Variants in LRMDA observed in about 807,000 individuals in gnomAD.
LRMDA encodes the protein leucine rich melanocyte differentiation associated, also known as leucine-rich melanocyte differentiation-associated protein.
Under a neutral mutation model 29.8 loss-of-function variants are expected in LRMDA, and 18 were observed. The observed-to-expected ratio is 0.60, with a 90% CI of 0.42 to 0.90. LRMDA has a LOEUF of 0.90. Among genes scored for constraint, LRMDA ranks in the 40% least tolerant of loss-of-function variants. LRMDA has a pLI of 0.00. For synonymous variants in LRMDA, 125 were observed against 109.4 expected (o/e 1.14, Z -0.89); for missense variants, 273 against 273.9 (o/e 1.00, Z 0.02).
At chr10:76,404,048 T>C (rs1230942431) in intron 6 of LRMDA, among the ~76,000 whole-genome samples, 1 of 151,924 alleles carries the variant, frequency 6.6e-6, no homozygotes, top group Non-Finnish European at 1.5e-5. Context: ...CTTCACCCAA[T>C]TGCCCATGAG....
At chr10:75,750,445 G>A (rs191735747) in intron 2 of LRMDA, among the ~76,000 whole-genome samples, 9 of 148,000 alleles carry the variant, frequency 6.1e-5, no homozygotes, top group African/African-American at 2.0e-4. Context: ...AGACGGGGTC[G>A]CGGCCGGGCA....
intron 3 of LRMDA, among the ~76,000 whole-genome samples, chr10:76,040,184 G>A (rs1186032445): frequency 6.6e-6 from 1 of 152,182 alleles, no homozygotes; most frequent in Non-Finnish European, 1.5e-5. Flanking sequence ...TACAAGGAGA[G>A]GAGCCAAGAT....
intron 3 of LRMDA, among the ~76,000 whole-genome samples, chr10:76,045,410 G>A (rs1311282017): frequency 7.6e-6 from 1 of 132,108 alleles, no homozygotes; most frequent in African/African-American, 3.0e-5. Context: ...TCTCTTGTTA[G>A]TTTCCCCTCT....
chr10:76,262,816 T>A (rs1177455806), intron 5 of LRMDA, among the ~76,000 whole-genome samples: 5 of 152,252 alleles, frequency 3.3e-5, no homozygotes, highest in Admixed American at 2.6e-4. Flanking sequence ...TAAGTCATGC[T>A]GGCCAGGGTG....
chr10:75,689,893 A>G (rs1003084253), intron 2 of LRMDA, among the ~76,000 whole-genome samples: 2 of 152,148 alleles, frequency 1.3e-5, no homozygotes, highest in South Asian at 2.1e-4. Flanking sequence ...CCCCACATGC[A>G]TGTGTGATGG....
intron 2 of LRMDA, among the ~76,000 whole-genome samples, chr10:75,595,889 C>G (rs868333687): frequency 3.3e-5 from 5 of 152,106 alleles, no homozygotes; most frequent in Middle Eastern, 3.4e-3. Flanking sequence ...AGATGATTCT[C>G]TTCATTTTTT....
chr10:75,451,922 T>G (rs1402303386), intron 2 of LRMDA, among the ~76,000 whole-genome samples: 10 of 152,028 alleles, frequency 6.6e-5, no homozygotes, highest in African/African-American at 2.4e-4. Flanking sequence ...ATGTGTGTGT[T>G]CTAAGTCTCC....
intron 6 of LRMDA, among the ~76,000 whole-genome samples, chr10:76,546,374 A>G (rs1369053611): frequency 6.6e-6 from 1 of 152,230 alleles, no homozygotes; most frequent in Non-Finnish European, 1.5e-5. Context: ...AGTTGTGGTC[A>G]CTATGATTAC....
intron 2 of LRMDA, among the ~76,000 whole-genome samples, chr10:75,616,735 T>C (rs1317033585): frequency 6.6e-6 from 1 of 152,244 alleles, no homozygotes; most frequent in African/African-American, 2.4e-5. Flanking sequence ...CAGTTGTATA[T>C]ATGTGAATCA....
intron 2 of LRMDA, among the ~76,000 whole-genome samples, chr10:75,468,868 A>T (rs1347100395): frequency 6.6e-6 from 1 of 151,984 alleles, no homozygotes; most frequent in East Asian, 1.9e-4. Context: ...GGAGGCATGG[A>T]TTGTATTAGA....
chr10:76,066,386 T>C (rs546983452), intron 5 of LRMDA, among the ~76,000 whole-genome samples: 1 of 152,314 alleles, frequency 6.6e-6, no homozygotes, highest in Non-Finnish European at 1.5e-5. Flanking sequence ...TCTAATTTTC[T>C]CCCTACAAAT....
intron 2 of LRMDA, among the ~76,000 whole-genome samples, chr10:75,645,506 G>C (rs764497060): frequency 6.6e-6 from 1 of 152,122 alleles, no homozygotes; most frequent in Admixed American, 6.5e-5. Flanking sequence ...TGTGAATGTC[G>C]GAGCTAGAAC....
intron 2 of LRMDA, among the ~76,000 whole-genome samples, chr10:75,578,228 A>AAAAAAAAAAAAAAAAAC (rs1203424120): frequency 7.0e-6 from 1 of 143,530 alleles, no homozygotes; most frequent in Admixed American, 7.1e-5. Context: ...AAAAAAAAAA[A>AAAAAAAAAAAAAAAAAC]AAAAAAAAAA....
At chr10:75,728,813 G>C (rs1001284500) in intron 2 of LRMDA, among the ~76,000 whole-genome samples, 3 of 151,910 alleles carry the variant, frequency 2.0e-5, no homozygotes, top group African/African-American at 4.8e-5. Context: ...GCTAATGGGG[G>C]TTGAGTGTAT....
intron 6 of LRMDA, among the ~76,000 whole-genome samples, chr10:76,504,303 T>C (rs562828648): frequency 2.6e-4 from 39 of 152,176 alleles, no homozygotes; most frequent in African/African-American, 9.1e-4. Context: ...ATATATATTC[T>C]GTTGCAGTTG....
intron 2 of LRMDA, among the ~76,000 whole-genome samples, chr10:75,755,714 C>T (rs1022839876): frequency 2.0e-5 from 3 of 152,224 alleles, no homozygotes; most frequent in African/African-American, 7.2e-5. Flanking sequence ...CCTAGGCTGA[C>T]GCAACCTTGG....
rs1048015402 is a variant in LRMDA, at chr10:75,547,269, C to T, written c.131+108775C>T. Reference sequence around the variant, plus strand: ...CTGAGTATCTCTGGACCAAAACATGCGAACCACTTGTAGGGTTATTTTAGG... The same window carrying T: ...CTGAGTATCTCTGGACCAAAACATGTGAACCACTTGTAGGGTTATTTTAGG... On this transcript the variant is annotated intron_variant, in intron 2 of 6. Coordinates refer to ENST00000611255, the MANE Select transcript of LRMDA (RefSeq NM_001305581.2). 2.6e-5 allele frequency among the ~76,000 whole-genome samples: 4 copies of T among 152,124 alleles called. 1 individual carries two copies. The highest frequency in any genetic ancestry group is 2.0e-4 in the Admixed American group (3 of 15,254).
intron 2 of LRMDA, among the ~76,000 whole-genome samples, chr10:75,913,788 G>A (rs1845884158): frequency 6.6e-6 from 1 of 152,216 alleles, no homozygotes; most frequent in Non-Finnish European, 1.5e-5. Flanking sequence ...CCCTGGAGAG[G>A]AGCAAGGGGA....
chr10:76,363,176 A>AGGGAG lies in LRMDA; in HGVS notation c.601+38693_601+38694insGAGGG, dbSNP rs1249338089. On this transcript the variant is annotated intron_variant, in intron 6 of 6. Transcript: ENST00000611255. ...AAGAAAGAAAGAAAGAAAGAAAGAAAGGAGGGAGGGAGGGAGGGAGGGAGG... is the reference window on the plus strand; with the variant it reads ...AAGAAAGAAAGAAAGAAAGAAAGAAAGGGAGGGAGGGAGGGAGGGAGGGAGGGAGG... Among the ~76,000 whole-genome samples the AGGGAG allele has an allele frequency of 2.8e-3, 61 of 21,792 alleles. 2 individuals are homozygous for AGGGAG. Among genetic ancestry groups the AGGGAG allele is most frequent in the Non-Finnish European group, 5.0e-3 (43 of 8,592 alleles). 14.3% of individuals were successfully genotyped at this position (21,792 alleles called of 152,430 possible). A position where few individuals can be genotyped will look rare whatever the true frequency, so the allele number is the denominator to read the frequency against.
Sources: gnomAD v4.1 joint callset for allele counts (sites outside exome capture counted in the v4.1 genomes callset) on GRCh38, gnomAD v4.1.1 for gene constraint, MANE v1.5 for transcripts, NCBI Gene and HGNC (gene_info 2026-07-23, HGNC 2026-07-21) for gene names.